The following THBS3 variants were observed in gnomAD, a reference collection of about 807,000 sequenced individuals.
The protein encoded by THBS3 is thrombospondin-3.
Under a neutral mutation model 118.3 loss-of-function variants are expected in THBS3, and 78 were observed. The ratio of observed to expected loss-of-function variants is 0.66; its 90% CI spans 0.55 to 0.80. The LOEUF (loss-of-function observed/expected upper bound fraction) is 0.80. Among genes scored for constraint, THBS3 ranks in the 30% least tolerant of loss-of-function variants. THBS3 has a pLI of 0.00. For synonymous variants in THBS3, 427 were observed against 475.3 expected (o/e 0.90, Z 1.32); for missense variants, 1,057 against 1,247.4 (o/e 0.85, Z 2.30).
Position 155,197,966 on chromosome 1 carries a change from T to C in THBS3, c.2254-38A>G, listed in dbSNP as rs777056984. On this transcript the variant is annotated intron_variant, in intron 18 of 22. Transcript: ENST00000368378. The surrounding 1 kb of genome is among the most constrained non-coding windows in gnomAD (Gnocchi z 5.0). ...AGTAAAGAAAAAGCTGTGATGCAGG[T>C]GTGCTATCCCTCCCAGGCCCCCCGT... The C allele has an allele frequency of 2.8e-5, 45 of 1,614,140 alleles. No individual in the cohort carries two copies. In the South Asian group the frequency reaches 4.4e-4, roughly 16 times the overall value.
At chr1:155,207,758 A>G in intron 1 of THBS3, 40 bp downstream of exon 1, 1 of 1,604,864 alleles carries the variant, frequency 6.2e-7, no homozygotes, top group Non-Finnish European at 8.5e-7. Context: ...CAAATGGGGA[A>G]GAAGCAGAGA....
rs1670540384 is a variant in THBS3, at chr1:155,206,369, C to T, written c.117G>A (p.Met39Ile). 2 of 1,614,030 alleles carry T rather than the reference C, an allele frequency of 1.2e-6. No individual in the cohort carries two copies. Among genetic ancestry groups the T allele is most frequent in the Admixed American group, 1.7e-5 (1 of 59,998 alleles). Residue 39 changes from methionine (M) to isoleucine (I), a missense_variant, in exon 2 of 23, where the codon ATG becomes ATA. Around this residue, in one of 3 missense-constraint regions of THBS3, gnomAD observed 206 missense variants for 205.7 expected, o/e 1.00. Transcript: ENST00000368378. The surrounding 1 kb of genome is among the most constrained non-coding windows in gnomAD (Gnocchi z 4.2). ...TCCGGATCTTCTCTGCCACAGCTAC[C>T]ATCTGCCGAGACTCGCCCACAGTCA... ...DLLTVGESRQ[M>I]VAVAEKIRTA...
chr1:155,208,764 C>A (rs763532919), upstream of THBS3: 2 of 1,429,454 alleles, frequency 1.4e-6, no homozygotes, highest in Admixed American at 2.6e-5. Context: ...TGGCGACAGG[C>A]GGCGCAGGGC....
intron 11 of THBS3, 54 bp downstream of exon 11, chr1:155,201,363 C>T: frequency 6.4e-7 from 1 of 1,570,884 alleles, no homozygotes. Context: ...AAACATAGCC[C>T]TACTCCTTTC....
In THBS3 at chr1:155,206,826, G is replaced by A. The variant is rs1670615715; in HGVS notation, c.80-420C>T. On this transcript the variant is annotated intron_variant, in intron 1 of 22. Coordinates refer to ENST00000368378, the MANE Select transcript of THBS3 (RefSeq NM_007112.5). This position sits in a 1 kb window ranked among gnomAD's most constrained non-coding sequence, Gnocchi z 4.2. ...CATTGCACTCCAGCCTGGGCAACAAGAGTGAAACTCCATCTCAAAAAGACA... is the reference window on the plus strand; with the variant it reads ...CATTGCACTCCAGCCTGGGCAACAAAAGTGAAACTCCATCTCAAAAAGACA... Among the ~76,000 whole-genome samples the A allele has an allele frequency of 6.6e-6, 1 of 151,972 alleles. No individual in the cohort carries two copies. The highest frequency in any genetic ancestry group is 2.1e-4 in the South Asian group (1 of 4,820).
chr1:155,202,662 G>T lies in THBS3; in HGVS notation c.957+150C>A. On this transcript the variant is annotated intron_variant, in intron 8 of 22. Transcript: ENST00000368378. The surrounding 1 kb of genome is among the most constrained non-coding windows in gnomAD (Gnocchi z 5.5). ...CTTCAGTCTTTGCCCCAGGCCTTCT[G>T]TCTCTCCCATCTTGCATTTCTCTTG... is the stretch of plus-strand genomic sequence containing the variant. 8.2e-7 allele frequency: 1 copy of T among 1,224,372 alleles called. No homozygotes were observed. The highest frequency in any genetic ancestry group is 1.1e-6 in the Non-Finnish European group (1 of 890,670). 75.8% of individuals were successfully genotyped at this position (1,224,372 alleles called of 1,614,324 possible).
chr1:155,204,728 G>T, intron 4 of THBS3, 127 bp downstream of exon 4: 1 of 874,922 alleles, frequency 1.1e-6, no homozygotes, highest in Admixed American at 1.9e-5. Context: ...GAATAACAGG[G>T]TTAGAAACCC....
At position 155,198,263 on chromosome 1, in the gene THBS3, T is replaced by C. The variant is rs750342074; in HGVS notation, c.2075-43A>G. ...GGGTGCTCAGGAAGGCCCTGGCCAC[T>C]GCCATTAGGCAACAATACCATCTGT... On this transcript the variant is annotated intron_variant, in intron 17 of 22. Coordinates refer to ENST00000368378, the MANE Select transcript of THBS3 (RefSeq NM_007112.5). 40 of 1,607,826 alleles carry C rather than the reference T, an allele frequency of 2.5e-5. No individual in the cohort carries two copies. The Admixed American group carries it at 6.7e-4, about 27-fold the overall frequency.
intron 11 of THBS3, 48 bp from the exon 12 acceptor site, chr1:155,201,252 T>G: frequency 2.5e-6 from 4 of 1,609,904 alleles, no homozygotes; most frequent in Non-Finnish European, 3.4e-6. Flanking sequence ...CTGGCTCCCC[T>G]CCTCCCTATA....
upstream of THBS3, chr1:155,208,948 G>A: frequency 1.2e-6 from 2 of 1,609,646 alleles, no homozygotes; most frequent in Non-Finnish European, 1.7e-6. Context: ...AGCCTGCCGC[G>A]CCTTCAGGGG....
chr1:155,201,398 C>T lies in THBS3; in HGVS notation c.1329+19G>A, dbSNP rs368915969. 2.8e-5 allele frequency: 45 copies of T among 1,584,462 alleles called. 1 individual carries two copies. Among genetic ancestry groups the T allele is most frequent in the African/African-American group, 1.1e-4 (8 of 74,406 alleles). On this transcript the variant is annotated intron_variant, in intron 11 of 22. Transcript: ENST00000368378. ...CCCCAGACCCTCCCTTTTCCTTCCA[C>T]GCCTGAAGCCTAGCTCACCTGGCAG...
upstream of THBS3, chr1:155,208,806 T>C (rs1375722339): frequency 6.6e-7 from 1 of 1,521,948 alleles, no homozygotes; most frequent in Non-Finnish European, 8.9e-7. Flanking sequence ...GTGGAAAACA[T>C]GCTGCTCGGG....
Position 155,197,011 on chromosome 1 carries a change from C to G in THBS3, c.2672+30G>C. On this transcript the variant is annotated intron_variant, in intron 21 of 22. Coordinates refer to ENST00000368378, the MANE Select transcript of THBS3 (RefSeq NM_007112.5). This position sits in a 1 kb window ranked among gnomAD's most constrained non-coding sequence, Gnocchi z 5.0. ...GAGGAAGGACAGGCCCGGCCTGAGT[C>G]CCACAGGTGGGCTCAGCCCCTCTCC... is the stretch of plus-strand genomic sequence containing the variant. The G allele has an allele frequency of 6.2e-7, 1 of 1,602,888 alleles. No individual in the cohort carries two copies. The highest frequency in any genetic ancestry group is 1.1e-5 in the South Asian group (1 of 90,526).
Position 155,202,056 on chromosome 1 carries a change from G to A in THBS3, c.1099-22C>T. 6.2e-7 allele frequency: 1 copy of A among 1,614,056 alleles called. No homozygotes were observed. Among genetic ancestry groups the A allele is most frequent in the African/African-American group, 1.3e-5 (1 of 75,030 alleles). On this transcript the variant is annotated intron_variant, in intron 9 of 22. Coordinates refer to ENST00000368378, the MANE Select transcript of THBS3 (RefSeq NM_007112.5). The surrounding 1 kb of genome is among the most constrained non-coding windows in gnomAD (Gnocchi z 5.5). Reference sequence around the variant, plus strand: ...AGACCTGAAGGGGCAGACTTTGGGTGGAACCAGACCTATGGTGGGTCTCCT... The same window carrying A: ...AGACCTGAAGGGGCAGACTTTGGGTAGAACCAGACCTATGGTGGGTCTCCT...
intron 4 of THBS3, 137 bp from the exon 5 acceptor site, chr1:155,203,676 A>G: frequency 8.9e-7 from 1 of 1,127,874 alleles, no homozygotes; most frequent in Non-Finnish European, 1.3e-6. Context: ...GGATGCTGGG[A>G]GGGCAGAGCT....
chr1:155,199,762 C>A, intron 16 of THBS3, 42 bp downstream of exon 16: 1 of 1,608,802 alleles, frequency 6.2e-7, no homozygotes, highest in Non-Finnish European at 8.5e-7. Flanking sequence ...CTCAGAAAGA[C>A]AAAAAAAAGA....
Position 155,200,958 on chromosome 1 carries a change from T to C in THBS3, c.1487A>G (p.Asn496Ser), listed in dbSNP as rs373365247. 140 of 1,614,018 alleles carry C rather than the reference T, an allele frequency of 8.7e-5. No homozygotes were observed. The highest frequency in any genetic ancestry group is 7.3e-5 in the Non-Finnish European group (86 of 1,180,028). ...TPNSGQEDAD[N>S]DGVGDQCDDD... ...ATCACACTGGTCCCCCACACCATCA[T>C]TATCAGCATCTTCCTGCCCAGAGTT... The change falls in exon 13 of 23, where the codon AAT becomes AGT. Residue 496 changes from asparagine to serine, a missense_variant. By Grantham distance (46) the Asn-to-Ser change is conservative. Around this residue, in one of 3 missense-constraint regions of THBS3, gnomAD observed 544 missense variants for 715.6 expected, o/e 0.76. Transcript: ENST00000368378.
At chr1:155,201,671 T>A in intron 10 of THBS3, 102 bp from the exon 11 acceptor site, 1 of 1,316,420 alleles carries the variant, frequency 7.6e-7, no homozygotes, top group Non-Finnish European at 1.1e-6. Context: ...CACTCAGTTA[T>A]GCCAGGCATA....
chr1:155,200,937 C>T lies in THBS3; in HGVS notation c.1508G>A (p.Cys503Tyr). 1 of 1,614,152 alleles carries T rather than the reference C, an allele frequency of 6.2e-7. No individual in the cohort carries two copies. Among genetic ancestry groups the T allele is most frequent in the African/African-American group, 1.3e-5 (1 of 75,030 alleles). ...DADNDGVGDQ[C>Y]DDDADGDGIK... The stretch of plus-strand genomic sequence containing the variant: ...CCCATCCCCATCAGCATCATCATCA[C>T]ACTGGTCCCCCACACCATCATTATC... The change falls in exon 13 of 23, where the codon TGT becomes TAT. Residue 503 changes from cysteine (C) to tyrosine (Y), a missense_variant. Physicochemically the swap from Cys to Tyr is radical, Grantham distance 194. This residue lies in a region of THBS3 where 544 missense variants were observed against 715.6 expected (regional missense o/e 0.76). Coordinates refer to ENST00000368378, the MANE Select transcript of THBS3 (RefSeq NM_007112.5).
Sources: gnomAD v4.1 joint callset for allele counts (sites outside exome capture counted in the v4.1 genomes callset) on GRCh38, gnomAD v4.1.1 for gene constraint, gnomAD v4.1.1 regional missense constraint, Gnocchi (gnomAD v3.1) non-coding constraint, MANE v1.5 for transcripts, NCBI Gene and HGNC (gene_info 2026-07-23, HGNC 2026-07-21) for gene names.